Variants in MAGOH observed in about 807,000 individuals in gnomAD.
MAGOH encodes mago homolog, exon junction complex subunit.
Under a neutral mutation model 20.9 loss-of-function variants are expected in MAGOH, and 3 were observed. The ratio of observed to expected loss-of-function variants is 0.14; its 90% CI spans 0.07 to 0.37. The LOEUF (loss-of-function observed/expected upper bound fraction) is 0.37. MAGOH is among the 10% of genes least tolerant of loss of function. The pLI, the probability that MAGOH is intolerant of heterozygous loss-of-function variation, is 1.00. For synonymous variants in MAGOH, 51 were observed against 61.0 expected (o/e 0.84, Z 0.76); for missense variants, 66 against 178.1 (o/e 0.37, Z 3.58).
intron 4 of MAGOH, among the ~76,000 whole-genome samples, chr1:53,227,926 T>C (rs1232441109): frequency 1.3e-5 from 2 of 151,932 alleles, no homozygotes; most frequent in Admixed American, 1.3e-4. Context: ...CTAAGAAGAG[T>C]GTCCAAAGGA....
At chr1:53,231,813 T>C (rs1400085827) in intron 3 of MAGOH, among the ~76,000 whole-genome samples, 1 of 152,230 alleles carries the variant, frequency 6.6e-6, no homozygotes, top group Non-Finnish European at 1.5e-5. Flanking sequence ...AAAATCCTAC[T>C]GCGATTTTTA....
intron 3 of MAGOH, 98 bp downstream of exon 3, chr1:53,233,444 G>C (rs770183268): frequency 1.3e-6 from 1 of 748,648 alleles, no homozygotes; most frequent in Non-Finnish European, 2.3e-6. Flanking sequence ...ATAGTAGTTA[G>C]TAAGTGAGAT....
chr1:53,232,056 T>C (rs563534926), intron 3 of MAGOH, among the ~76,000 whole-genome samples: 18 of 152,334 alleles, frequency 1.2e-4, no homozygotes, highest in South Asian at 6.2e-4. Flanking sequence ...CAAAGGAATA[T>C]GCCCTTCCCT....
At chr1:53,228,744 G>A in intron 4 of MAGOH, 128 bp downstream of exon 4, 1 of 712,200 alleles carries the variant, frequency 1.4e-6, no homozygotes, top group East Asian at 2.6e-5. Flanking sequence ...TAACAAGAAG[G>A]ACAAAGCTGC....
Position 53,235,626 on chromosome 1 carries a change from C to T in MAGOH, c.98G>A (p.Arg33Lys). The change falls in exon 2 of 5, where the codon AGA (arginine) becomes AAA (lysine). Residue 33 changes from arginine to lysine, a missense_variant. Coordinates refer to ENST00000371470, the MANE Select transcript of MAGOH (RefSeq NM_002370.4). ...CTTGTAATTGCTGTTGTTGGCATAT[C>T]TTAACTTCCCTGTGGGGGCAAAAAA... ...EFEFRPDGKL[R>K]YANNSNYKND... 6.2e-7 allele frequency: 1 copy of T among 1,613,880 alleles called. No individual in the cohort carries two copies. Among genetic ancestry groups the T allele is most frequent in the Non-Finnish European group, 8.5e-7 (1 of 1,179,848 alleles).
At chr1:53,234,670 G>A (rs1420080960) in intron 2 of MAGOH, among the ~76,000 whole-genome samples, 1 of 152,004 alleles carries the variant, frequency 6.6e-6, no homozygotes, top group Non-Finnish European at 1.5e-5. Flanking sequence ...CACCGCGCCC[G>A]GCCAGTTATT....
At chr1:53,227,187 C>T (rs1645564499) in intron 4 of MAGOH, 43 bp from the exon 5 acceptor site, 2 of 1,102,688 alleles carry the variant, frequency 1.8e-6, no homozygotes, top group Admixed American at 2.4e-5. Flanking sequence ...AAAACTTTGA[C>T]CCATCAAGTG....
At chr1:53,228,616 CT>C (rs1234223960) in intron 4 of MAGOH, among the ~76,000 whole-genome samples, 3 of 152,116 alleles carry the variant, frequency 2.0e-5, no homozygotes, top group Non-Finnish European at 4.4e-5. Flanking sequence ...TTTCTTCTGG[CT>C]GCTCCTATGC....
At chr1:53,237,675 A>AAAAAAAAAAAAAAAAAAAAAC (rs1645619430) in intron 1 of MAGOH, among the ~76,000 whole-genome samples, 1 of 143,578 alleles carries the variant, frequency 7.0e-6, no homozygotes, top group Non-Finnish European at 1.5e-5. Context: ...AGCCGTCTCA[A>AAAAAAAAAAAAAAAAAAAAAC]AAAAAAAAAA....
intron 1 of MAGOH, among the ~76,000 whole-genome samples, chr1:53,238,102 G>GGGAAGTTTGTCTACC (rs1553172017): frequency 6.6e-6 from 1 of 152,182 alleles, no homozygotes; most frequent in African/African-American, 2.4e-5. Flanking sequence ...TCCACGAGAG[G>GGGAAGTTTGTCTACC]GGAAGTTTGT....
At chr1:53,229,021 A>T in intron 3 of MAGOH, 67 bp from the exon 4 acceptor site, 1 of 1,097,386 alleles carries the variant, frequency 9.1e-7, no homozygotes, top group Non-Finnish European at 1.4e-6. Flanking sequence ...CAGAAGGATT[A>T]ATCATTTGCC....
intron 3 of MAGOH, 123 bp downstream of exon 3, chr1:53,233,419 C>T: frequency 1.1e-5 from 7 of 631,604 alleles, no homozygotes; most frequent in South Asian, 4.3e-5. Flanking sequence ...TTTGTATCTC[C>T]ACAATGCTTT....
chr1:53,231,904 C>T lies in MAGOH; in HGVS notation c.258+1638G>A, dbSNP rs144380590. 1.8e-3 allele frequency among the ~76,000 whole-genome samples: 271 copies of T among 152,286 alleles called. 1 individual carries two copies. The highest frequency in any genetic ancestry group is 6.2e-3 in the African/African-American group (258 of 41,570). ...TACTGAATCTTGCCATCCACAAAAACGATACATATTTTTGTCCTTCTATAA... is the reference window on the plus strand; with the variant it reads ...TACTGAATCTTGCCATCCACAAAAATGATACATATTTTTGTCCTTCTATAA... On this transcript the variant is annotated intron_variant, in intron 3 of 4. Coordinates refer to ENST00000371470, the MANE Select transcript of MAGOH (RefSeq NM_002370.4).
chr1:53,228,993 G>C (rs1158978466), intron 3 of MAGOH, 39 bp from the exon 4 acceptor site: 7 of 1,341,110 alleles, frequency 5.2e-6, no homozygotes, highest in Non-Finnish European at 7.5e-6. Context: ...AGTAGAATTG[G>C]ATTATTCATC....
At chr1:53,233,895 G>A (rs1475700258) in intron 2 of MAGOH, 1 of 346,706 alleles carries the variant, frequency 2.9e-6, no homozygotes, top group Non-Finnish European at 5.3e-6. Flanking sequence ...TGTTCACATG[G>A]CCCTTCTGCC....
rs776284030 is a variant in MAGOH, at chr1:53,238,478, TCCA to T, written c.-33_-31del. 6.3e-7 allele frequency: 1 copy of T among 1,599,912 alleles called. No individual in the cohort carries two copies. On this transcript the variant is annotated 5_prime_UTR_variant, in exon 1 of 5. Coordinates refer to ENST00000371470, the MANE Select transcript of MAGOH (RefSeq NM_002370.4). The stretch of plus-strand genomic sequence containing the variant: ...CCCAAAAGACAACCGAGCCTGAACT[TCCA>T]AGAGCAAGCCGCACTGCCGCCGTCT...
intron 4 of MAGOH, 69 bp downstream of exon 4, chr1:53,228,803 T>G: frequency 1.7e-6 from 2 of 1,183,294 alleles, no homozygotes; most frequent in South Asian, 2.5e-5. Flanking sequence ...TGGTCCCAAT[T>G]TGGTTAAGGT....
In MAGOH at chr1:53,233,575, T is replaced by C. The variant is rs1645596731; in HGVS notation, c.225A>G (p.Ala75=). ...DDSEITKEDD[A]LWPPPDRVGR... ...CCACTCGGTCAGGAGGAGGCCACAA[T>C]GCATCATCCTCTTTGGTAATTTCAC... The change falls in exon 3 of 5, where the codon GCA becomes GCG. Residue 75 remains alanine, a synonymous_variant. Transcript: ENST00000371470. 7 of 1,613,988 alleles carry C rather than the reference T, an allele frequency of 4.3e-6. No homozygotes were observed. Among genetic ancestry groups the C allele is most frequent in the African/African-American group, 1.3e-5 (1 of 74,908 alleles).
Position 53,238,514 on chromosome 1 carries a change from A to C in MAGOH, c.-66T>G. On this transcript the variant is annotated 5_prime_UTR_variant, in exon 1 of 5. Coordinates refer to ENST00000371470, the MANE Select transcript of MAGOH (RefSeq NM_002370.4). ...GCCGCACTGCCGCCGTCTGCGCCCG[A>C]CACTGACGTTTGCGGCGGCGCGCGG... 6.9e-7 allele frequency: 1 copy of C among 1,438,936 alleles called. No individual in the cohort carries two copies. Among genetic ancestry groups the C allele is most frequent in the Non-Finnish European group, 9.8e-7 (1 of 1,020,952 alleles). The allele number at this position is 1,438,936 out of a possible 1,614,324, so 89.1% of individuals were successfully genotyped here. A position where few individuals can be genotyped will look rare whatever the true frequency, so the allele number is the denominator to read the frequency against.
Sources: gnomAD v4.1 joint callset for allele counts (sites outside exome capture counted in the v4.1 genomes callset) on GRCh38, gnomAD v4.1.1 for gene constraint, MANE v1.5 for transcripts, NCBI Gene and HGNC (gene_info 2026-07-23, HGNC 2026-07-21) for gene names.